The following SHPK variants were observed in gnomAD, a reference collection of about 807,000 sequenced individuals.
The protein encoded by SHPK is carbohydrate kinase-like protein.
Under a neutral mutation model 46.3 loss-of-function variants are expected in SHPK, and 51 were observed. The observed-to-expected ratio is 1.10, with a 90% CI of 0.88 to 1.39. The LOEUF (loss-of-function observed/expected upper bound fraction) is 1.39. Ranked by LOEUF, SHPK falls within the 40% of genes most tolerant of loss-of-function variation. The probability of loss-of-function intolerance (pLI) is 0.00; values close to 1 mark genes in which losing one functional copy is unlikely to be tolerated. For synonymous variants in SHPK, 290 were observed against 273.9 expected, an observed-to-expected ratio of 1.06 and a Z score of -0.58; for missense variants, 668 against 641.3, an observed-to-expected ratio of 1.04 and a Z score of -0.45.
rs1476957462 is a variant in SHPK, at chr17:3,619,505, C to A, written c.823+1732G>T. 4 of 691,826 alleles carry A rather than the reference C, an allele frequency of 5.8e-6. No homozygotes were observed. In the East Asian group the frequency reaches 9.5e-5, roughly 16 times the overall value. The allele number at this position is 691,826 out of a possible 1,614,324, so 42.9% of individuals were successfully genotyped here. A position where few individuals can be genotyped will look rare whatever the true frequency, so the allele number is the denominator to read the frequency against. On this transcript the variant is annotated intron_variant, in intron 5 of 6. Coordinates refer to ENST00000225519, the MANE Select transcript of SHPK (RefSeq NM_013276.4). ...ATCCCAGCACTTTGGGAGGCCAAGG[C>A]AGGCAGATCACAAGGTGAAGAGATT... is the stretch of plus-strand genomic sequence containing the variant.
intron 1 of SHPK, among the ~76,000 whole-genome samples, chr17:3,633,077 C>A (rs1468996655): frequency 6.9e-6 from 1 of 145,068 alleles, no homozygotes; most frequent in Non-Finnish European, 1.5e-5. Context: ...CTCCCGAGTT[C>A]AAGCAATTCT....
chr17:3,614,121 G>A (rs974186627), intron 6 of SHPK, among the ~76,000 whole-genome samples: 2 of 152,178 alleles, frequency 1.3e-5, no homozygotes, highest in Admixed American at 6.5e-5. Flanking sequence ...CTGGAGATGG[G>A]AAAACAAAGA....
chr17:3,620,459 G>A (rs1272349423), intron 5 of SHPK, among the ~76,000 whole-genome samples: 1 of 151,456 alleles, frequency 6.6e-6, no homozygotes, highest in Admixed American at 6.6e-5. Flanking sequence ...ATACAGATGG[G>A]GTTTCACCGT....
chr17:3,621,432 A>G lies in SHPK; in HGVS notation c.648-20T>C. On this transcript the variant is annotated intron_variant, in intron 4 of 6. Transcript: ENST00000225519. ...CTCAGTCTGTAAAACAGAAGTGGAC[A>G]CCCACATGGACCCACAGTTAGGTTT... is the stretch of plus-strand genomic sequence containing the variant. The G allele has an allele frequency of 6.2e-7, 1 of 1,604,752 alleles. No individual in the cohort carries two copies. The highest frequency in any genetic ancestry group is 2.2e-5 in the East Asian group (1 of 44,556).
rs770192814 is a variant in SHPK at position 3,628,568 on chromosome 17, G to A, written c.310+1637C>T. 4.6e-4 allele frequency among the ~76,000 whole-genome samples: 70 copies of A among 152,078 alleles called. 1 individual carries two copies. The highest frequency in any genetic ancestry group is 3.4e-3 in the Middle Eastern group (1 of 292). On this transcript the variant is annotated intron_variant, in intron 2 of 6. Transcript: ENST00000225519. The stretch of plus-strand genomic sequence containing the variant: ...TAATTCCTGACCTCGTGATCTGCCC[G>A]CCTCAGCCTCCCAAAGTGCTGGGAT...
chr17:3,617,590 C>G (rs1402715007), intron 5 of SHPK, among the ~76,000 whole-genome samples: 7 of 152,116 alleles, frequency 4.6e-5, no homozygotes, highest in Non-Finnish European at 7.4e-5. Context: ...ATTTGCTTTT[C>G]TAGATAAATG....
At chr17:3,621,687 C>G (rs2075404256) in intron 4 of SHPK, among the ~76,000 whole-genome samples, 1 of 137,924 alleles carries the variant, frequency 7.3e-6, no homozygotes, top group Non-Finnish European at 1.5e-5. Flanking sequence ...GAGTCTTGCT[C>G]TGTTGCCCAG....
At chr17:3,635,919 GCC>G (rs1003495571) in intron 1 of SHPK, 131 bp downstream of exon 1, 23 of 880,796 alleles carry the variant, frequency 2.6e-5, no homozygotes, top group Admixed American at 9.3e-5. Context: ...AGGCAGACGG[GCC>G]CCTGGAGAAG....
rs2075334733 is a variant in SHPK at position 3,610,830 on chromosome 17, G to A, written c.1167C>T (p.Ser389=). 6.2e-7 allele frequency: 1 copy of A among 1,614,046 alleles called. No homozygotes were observed. The highest frequency in any genetic ancestry group is 8.5e-7 in the Non-Finnish European group (1 of 1,180,038). ...CGTGCCCCAGGGAGAGGTCGGAGGA[G>A]GAGATTCTGGTCACTGAGGCCAGCT... is the stretch of plus-strand genomic sequence containing the variant. ...PDQLASVTRI[S]SSDLSLGHVT... is the part of the protein sequence containing the mutation. Residue 389 remains serine, a synonymous_variant, in exon 7 of 7, where the codon TCC becomes TCT. Coordinates refer to ENST00000225519, the MANE Select transcript of SHPK (RefSeq NM_013276.4).
At chr17:3,615,096 C>T (rs2075364106) in intron 6 of SHPK, among the ~76,000 whole-genome samples, 1 of 151,822 alleles carries the variant, frequency 6.6e-6, no homozygotes, top group African/African-American at 2.4e-5. Context: ...GGTTCACAGT[C>T]AAGGTTGGGG....
At chr17:3,634,943 G>A (rs2075499478) in intron 1 of SHPK, among the ~76,000 whole-genome samples, 1 of 151,780 alleles carries the variant, frequency 6.6e-6, no homozygotes, top group African/African-American at 2.4e-5. Context: ...AGGCTGAAGT[G>A]GGCAGATCAC....
intron 5 of SHPK, among the ~76,000 whole-genome samples, chr17:3,617,118 C>T (rs2075375134): frequency 6.6e-6 from 1 of 151,900 alleles, no homozygotes; most frequent in African/African-American, 2.4e-5. Context: ...GTGATCTGCC[C>T]ACCTCAGCCT....
In SHPK at chr17:3,621,176, G is replaced by C. The variant is rs371456619; in HGVS notation, c.823+61C>G. 4.3e-5 allele frequency: 60 copies of C among 1,409,344 alleles called. 1 individual carries two copies. In the East Asian group the frequency reaches 7.5e-4, roughly 18 times the overall value. 87.3% of individuals were successfully genotyped at this position (1,409,344 alleles called of 1,614,324 possible). ...TGTGTGCCCTGCAGACTCGCACAGA[G>C]CTGGTGCTTATGAGGCAGGCGACAG... On this transcript the variant is annotated intron_variant, in intron 5 of 6. Transcript: ENST00000225519.
rs192051926 is a variant in SHPK at position 3,618,220 on chromosome 17, C to G, written c.824-2683G>C. On this transcript the variant is annotated intron_variant, in intron 5 of 6. Transcript: ENST00000225519. ...CTCCTGGATTCAAGCAATTCTCTGCCTCAGCCTCCCGAGTAGCTGGGATTA... is the reference window on the plus strand; with the variant it reads ...CTCCTGGATTCAAGCAATTCTCTGCGTCAGCCTCCCGAGTAGCTGGGATTA... 2.7e-3 allele frequency among the ~76,000 whole-genome samples: 418 copies of G among 152,182 alleles called. 6 individuals are homozygous for G. The highest frequency in any genetic ancestry group is 1.9e-3 in the Non-Finnish European group (130 of 68,008).
At chr17:3,615,221 G>A (rs1416388437) in intron 6 of SHPK, 116 bp downstream of exon 6, 4 of 941,548 alleles carry the variant, frequency 4.2e-6, no homozygotes, top group Non-Finnish European at 6.6e-6. Context: ...GACCTGGCAG[G>A]GTCTGAGACC....
At chr17:3,625,600 T>C (rs1473449742) in intron 2 of SHPK, among the ~76,000 whole-genome samples, 2 of 151,498 alleles carry the variant, frequency 1.3e-5, no homozygotes, top group Non-Finnish European at 2.9e-5. Flanking sequence ...TGTCCACCAG[T>C]TGAACACTAA....
Position 3,627,871 on chromosome 17 carries a change from C to T in SHPK, c.310+2334G>A, listed in dbSNP as rs144461495. The stretch of plus-strand genomic sequence containing the variant: ...TAAGGAGTTTTAAAAGCTTTTACAA[C>T]CTAGACTCCCTCTGAGAGGTTAGCC... On this transcript the variant is annotated intron_variant, in intron 2 of 6. Coordinates refer to ENST00000225519, the MANE Select transcript of SHPK (RefSeq NM_013276.4). 2.0e-3 allele frequency among the ~76,000 whole-genome samples: 304 copies of T among 151,982 alleles called. 1 individual carries two copies. Among genetic ancestry groups the T allele is most frequent in the Non-Finnish European group, 3.7e-3 (254 of 67,986 alleles).
chr17:3,626,235 G>A (rs28873452), intron 2 of SHPK, among the ~76,000 whole-genome samples: 45,930 of 152,006 alleles, frequency 0.3, 7,550 homozygotes, highest in Non-Finnish European at 0.36. Flanking sequence ...ATATCTAGCT[G>A]GGGGTTGTCT....
intron 4 of SHPK, 123 bp downstream of exon 4, chr17:3,623,216 T>C: frequency 1.8e-6 from 2 of 1,102,682 alleles, no homozygotes; most frequent in Admixed American, 3.6e-5. Context: ...CACTGGACCC[T>C]GATCCTGGCC....
Sources: allele counts gnomAD v4.1 joint callset (sites outside exome capture counted in the v4.1 genomes callset), GRCh38; gene constraint gnomAD v4.1.1; transcripts MANE v1.5; gene names NCBI Gene and HGNC (gene_info 2026-07-23, HGNC 2026-07-21).